GRM7: variants seen among roughly 807,000 people sequenced by gnomAD.
GRM7 encodes metabotropic glutamate receptor 7.
A neutral mutation model predicts 84.5 loss-of-function variants in GRM7; 35 were observed. That is an observed-to-expected ratio of 0.41 (90% CI 0.32 to 0.55). The LOEUF is 0.55. Ranked by LOEUF, GRM7 falls within the 20% of genes least tolerant of loss-of-function variation. The probability of loss-of-function intolerance (pLI) is 0.19; values close to 1 mark genes in which losing one functional copy is unlikely to be tolerated. For synonymous variants in GRM7, 487 were observed against 455.1 expected (o/e 1.07, Z -0.89); for missense variants, 1,003 against 1,194.6 (o/e 0.84, Z 2.36).
chr3:7,192,061 C>G (rs983679537), intron 2 of GRM7, among the ~76,000 whole-genome samples: 8 of 152,032 alleles, frequency 5.3e-5, no homozygotes, highest in Non-Finnish European at 1.2e-4. Flanking sequence ...ATTTCATAGA[C>G]TGGCTGAAGT....
intron 1 of GRM7, among the ~76,000 whole-genome samples, chr3:7,086,567 A>C (rs1307236717): frequency 6.6e-6 from 1 of 152,102 alleles, no homozygotes; most frequent in Non-Finnish European, 1.5e-5. Context: ...GTTGCTTAAC[A>C]CCCTGGTGAC....
chr3:7,092,291 G>A (rs1698693726), intron 1 of GRM7, among the ~76,000 whole-genome samples: 1 of 152,176 alleles, frequency 6.6e-6, no homozygotes, highest in Non-Finnish European at 1.5e-5. Context: ...CTTCTAAATA[G>A]AGATAGTTCC....
At chr3:6,881,111 C>T (rs972514689) in intron 1 of GRM7, among the ~76,000 whole-genome samples, 3 of 152,076 alleles carry the variant, frequency 2.0e-5, no homozygotes, top group Non-Finnish European at 4.4e-5. Flanking sequence ...CTCATTATTC[C>T]TCAAATACAC....
chr3:7,647,137 A>AT (rs1483877956), intron 8 of GRM7, among the ~76,000 whole-genome samples: 1 of 152,230 alleles, frequency 6.6e-6, no homozygotes, highest in Non-Finnish European at 1.5e-5. Context: ...CCGTGTGGGT[A>AT]TGAGGATGTG....
In GRM7 at chr3:6,922,389, A is replaced by G. The variant is rs142470417; in HGVS notation, c.519+60482A>G. On this transcript the variant is annotated intron_variant, in intron 1 of 9. Transcript: ENST00000357716. The stretch of plus-strand genomic sequence containing the variant: ...TCATAAGTAACTAATGATATGCTTC[A>G]ATTGATTAAAATGGCCTAGCATTCT... 1.6e-4 allele frequency among the ~76,000 whole-genome samples: 25 copies of G among 152,318 alleles called. No individual in the cohort carries two copies. The East Asian group carries it at 4.6e-3, about 28-fold the overall frequency.
At chr3:7,029,325 AAAC>A (rs1179533555) in intron 1 of GRM7, among the ~76,000 whole-genome samples, 10 of 143,482 alleles carry the variant, frequency 7.0e-5, no homozygotes, top group Non-Finnish European at 9.4e-5. Flanking sequence ...CAAAAAAAAA[AAAC>A]AAACAAAAAA....
At chr3:7,094,780 A>AATAATT (rs141336816) in intron 1 of GRM7, among the ~76,000 whole-genome samples, 5,190 of 152,214 alleles carry the variant, frequency 0.034, 283 homozygotes, top group African/African-American at 0.12. Context: ...AAATGTGTTC[A>AATAATT]ATAATTTTAG....
chr3:6,866,766 G>T (rs1694951446), intron 1 of GRM7, among the ~76,000 whole-genome samples: 1 of 152,202 alleles, frequency 6.6e-6, no homozygotes, highest in Non-Finnish European at 1.5e-5. Context: ...GAGAAATGAT[G>T]ACATCCTGCC....
chr3:7,259,215 C>T (rs1284803825), intron 2 of GRM7, among the ~76,000 whole-genome samples: 2 of 152,198 alleles, frequency 1.3e-5, no homozygotes, highest in Non-Finnish European at 2.9e-5. Flanking sequence ...AAATTCACTA[C>T]TTTGGGCTCA....
intron 1 of GRM7, among the ~76,000 whole-genome samples, chr3:6,963,021 C>A (rs1449968941): frequency 6.6e-6 from 1 of 152,190 alleles, no homozygotes; most frequent in Middle Eastern, 3.4e-3. Context: ...CCAAAGGGCC[C>A]ATGTATAGTT....
intron 7 of GRM7, among the ~76,000 whole-genome samples, chr3:7,478,575 G>A (rs2124933138): frequency 6.6e-6 from 1 of 152,270 alleles, no homozygotes; most frequent in South Asian, 2.1e-4. Flanking sequence ...AGCAATCAAT[G>A]AGTATGGTCA....
Position 7,034,636 on chromosome 3 carries a change from T to A in GRM7, c.520-111816T>A, listed in dbSNP as rs1426592293. ...GAACTATAAGTCCTATCAAAAATTA[T>A]GATTTTTTTCTCAGCTTTGGCAAGT... On this transcript the variant is annotated intron_variant, in intron 1 of 9. Transcript: ENST00000357716. Among the ~76,000 whole-genome samples, 3 of 152,200 alleles carry A rather than the reference T, an allele frequency of 2.0e-5. No homozygotes were observed. The East Asian group carries it at 5.8e-4, about 29-fold the overall frequency.
Position 7,599,218 on chromosome 3 carries a change from C to T in GRM7, c.2451+19861C>T, listed in dbSNP as rs539151796. Among the ~76,000 whole-genome samples, 7 of 152,212 alleles carry T rather than the reference C, an allele frequency of 4.6e-5. No homozygotes were observed. The East Asian group carries it at 5.8e-4, about 13-fold the overall frequency. On this transcript the variant is annotated intron_variant, in intron 8 of 9. Transcript: ENST00000357716. ...GTACCCTGATGTCTTTACATATTGA[C>T]GTTTCCATTATTTTTAGTTCTTGAT...
At chr3:6,998,259 A>T (rs1368207958) in intron 1 of GRM7, among the ~76,000 whole-genome samples, 1 of 152,168 alleles carries the variant, frequency 6.6e-6, no homozygotes, top group Non-Finnish European at 1.5e-5. Flanking sequence ...TTGGAAATCC[A>T]ATAGGGCAGT....
At chr3:6,987,250 G>A (rs1694449888) in intron 1 of GRM7, among the ~76,000 whole-genome samples, 1 of 152,148 alleles carries the variant, frequency 6.6e-6, no homozygotes, top group Non-Finnish European at 1.5e-5. Context: ...TATCTTGGCA[G>A]AGACAATGAA....
intron 1 of GRM7, among the ~76,000 whole-genome samples, chr3:7,053,672 C>A (rs976746936): frequency 6.6e-5 from 10 of 151,418 alleles, no homozygotes; most frequent in Admixed American, 1.3e-4. Context: ...AATGAATTGA[C>A]CTTGTATGAA....
chr3:7,546,468 C>T (rs1406339966), intron 7 of GRM7, among the ~76,000 whole-genome samples: 2 of 152,202 alleles, frequency 1.3e-5, no homozygotes, highest in Non-Finnish European at 2.9e-5. Context: ...TCATACTTCT[C>T]AGCAGTCCAG....
At chr3:7,543,572 C>T (rs1347371271) in intron 7 of GRM7, among the ~76,000 whole-genome samples, 1 of 152,232 alleles carries the variant, frequency 6.6e-6, no homozygotes. Context: ...GCCTGGAAAC[C>T]TGCCCCTTTC....
At chr3:7,496,921 G>A (rs1699723723) in intron 7 of GRM7, among the ~76,000 whole-genome samples, 1 of 151,890 alleles carries the variant, frequency 6.6e-6, no homozygotes, top group African/African-American at 2.4e-5. Flanking sequence ...TATTATTTTT[G>A]CAACTTTTAT....
Sources: allele counts gnomAD v4.1 joint callset (sites outside exome capture counted in the v4.1 genomes callset), GRCh38; gene constraint gnomAD v4.1.1; transcripts MANE v1.5; gene names NCBI Gene and HGNC (gene_info 2026-07-23, HGNC 2026-07-21).